SLC25A27: variants seen among roughly 807,000 people sequenced by gnomAD.
SLC25A27 encodes mitochondrial uncoupling protein 4.
Under a neutral mutation model 49.1 loss-of-function variants are expected in SLC25A27, and 35 were observed. The ratio of observed to expected loss-of-function variants is 0.71; its 90% CI spans 0.54 to 0.95. The LOEUF is 0.95. Among genes scored for constraint, SLC25A27 ranks in the 40% least tolerant of loss-of-function variants. The probability of loss-of-function intolerance (pLI) is 0.00; values close to 1 mark genes in which losing one functional copy is unlikely to be tolerated. For missense variants in SLC25A27, 339 were observed against 397.1 expected, an observed-to-expected ratio of 0.85 and a Z score of 1.24; for synonymous variants, 144 against 136.9, an observed-to-expected ratio of 1.05 and a Z score of -0.36.
intron 5 of SLC25A27, among the ~76,000 whole-genome samples, chr6:46,668,168 A>G (rs976020607): frequency 1.3e-5 from 2 of 152,098 alleles, no homozygotes. Context: ...AATATAGTAA[A>G]ACCCCATCTC....
intron 5 of SLC25A27, among the ~76,000 whole-genome samples, chr6:46,668,196 A>G (rs138778021): frequency 3.3e-5 from 5 of 152,218 alleles, no homozygotes; most frequent in Admixed American, 1.3e-4. Context: ...ATATTGAAAA[A>G]TTAGCCAGAT....
At chr6:46,668,632 C>A in intron 5 of SLC25A27, 77 bp from the exon 6 acceptor site, 2 of 836,836 alleles carry the variant, frequency 2.4e-6, no homozygotes, top group South Asian at 1.5e-5. Context: ...CACATTCCTG[C>A]CCCAAGCCTA....
intron 8 of SLC25A27, among the ~76,000 whole-genome samples, chr6:46,673,245 T>C (rs1433108088): frequency 6.6e-6 from 1 of 152,246 alleles, no homozygotes; most frequent in Non-Finnish European, 1.5e-5. Flanking sequence ...ATCATTTTCA[T>C]GACTTAACTC....
chr6:46,668,400 C>T (rs1763393268), intron 5 of SLC25A27, among the ~76,000 whole-genome samples: 2 of 152,264 alleles, frequency 1.3e-5, no homozygotes, highest in African/African-American at 4.8e-5. Flanking sequence ...GACAGGATCT[C>T]AATTCAAATT....
chr6:46,673,018 G>T (rs1222850878), intron 8 of SLC25A27, among the ~76,000 whole-genome samples: 1 of 152,146 alleles, frequency 6.6e-6, no homozygotes, highest in South Asian at 2.1e-4. Context: ...CAAAACTGTG[G>T]TTGTTTCTTA....
chr6:46,671,082 T>G (rs1344918788), intron 7 of SLC25A27, 44 bp from the exon 8 acceptor site: 5 of 1,315,104 alleles, frequency 3.8e-6, no homozygotes, highest in Non-Finnish European at 5.4e-6. Flanking sequence ...CATATATATT[T>G]TTTTACACAG....
chr6:46,664,934 G>A, intron 5 of SLC25A27, 48 bp downstream of exon 5: 1 of 902,954 alleles, frequency 1.1e-6, no homozygotes. Flanking sequence ...TGCCTTAATA[G>A]CTGTAAGCAC....
intron 3 of SLC25A27, among the ~76,000 whole-genome samples, chr6:46,660,471 C>A (rs76188599): frequency 2.6e-5 from 4 of 152,106 alleles, no homozygotes; most frequent in African/African-American, 9.7e-5. Context: ...GAACGTGTAA[C>A]CCCTTTGTGA....
chr6:46,661,590 T>C (rs1043922890), intron 3 of SLC25A27, among the ~76,000 whole-genome samples: 7 of 152,212 alleles, frequency 4.6e-5, no homozygotes, highest in African/African-American at 1.7e-4. Flanking sequence ...ATGCACAAAC[T>C]GTCAGTCATA....
intron 2 of SLC25A27, chr6:46,658,571 G>C (rs1345069123): frequency 2.4e-6 from 1 of 419,966 alleles, no homozygotes; most frequent in Admixed American, 3.1e-5. Flanking sequence ...CAAACACATA[G>C]AGCCTGCCTG....
At chr6:46,668,891 A>C in intron 6 of SLC25A27, 98 bp downstream of exon 6, 1 of 709,898 alleles carries the variant, frequency 1.4e-6, no homozygotes. Context: ...TTGGGATTGT[A>C]CTGGCATCAC....
intron 8 of SLC25A27, among the ~76,000 whole-genome samples, chr6:46,675,477 C>T (rs186473510): frequency 2.6e-4 from 39 of 152,276 alleles, no homozygotes; most frequent in Admixed American, 4.6e-4. Flanking sequence ...AGTGAATTCT[C>T]AGTTTACTAA....
Position 46,664,102 on chromosome 6 carries a change from G to A in SLC25A27, c.507-672G>A, listed in dbSNP as rs184169596. Among the ~76,000 whole-genome samples the A allele has an allele frequency of 2.0e-5, 3 of 152,294 alleles. 1 individual carries two copies. The highest frequency in any genetic ancestry group is 4.1e-4 in the South Asian group (2 of 4,830). On this transcript the variant is annotated intron_variant, in intron 4 of 8. Transcript: ENST00000371347. Reference sequence around the variant, plus strand: ...GTGATGCCTGAGTAAAAGCCACACAGGCTAGTAAGTGGTGAAGGTGGCATG... The same window carrying A: ...GTGATGCCTGAGTAAAAGCCACACAAGCTAGTAAGTGGTGAAGGTGGCATG...
At position 46,656,628 on chromosome 6, in the gene SLC25A27, A is replaced by T. The variant is rs534932845; in HGVS notation, c.298+594A>T. ...GAGACGGGGTTTCACCATATTGATC[A>T]GGTTGGTCCCAAACTCCTGACCTCA... On this transcript the variant is annotated intron_variant, in intron 2 of 8. Coordinates refer to ENST00000371347, the MANE Select transcript of SLC25A27 (RefSeq NM_004277.5). 6.6e-5 allele frequency among the ~76,000 whole-genome samples: 10 copies of T among 152,268 alleles called. No individual in the cohort carries two copies. In the South Asian group the frequency reaches 1.5e-3, roughly 22 times the overall value.
intron 1 of SLC25A27, among the ~76,000 whole-genome samples, chr6:46,655,551 T>TGC (rs1206787385): frequency 5.1e-5 from 2 of 39,078 alleles, no homozygotes; most frequent in African/African-American, 9.8e-5. Context: ...TTTTTTTTTT[T>TGC]TTTTTTTTTT....
chr6:46,676,843 G>A lies in SLC25A27; in HGVS notation c.*389G>A. ...CAGATCTGAAGTAGACGATAGGAAT[G>A]TGGAAGAACACATACATAGTGCTTA... On this transcript the variant is annotated 3_prime_UTR_variant, in exon 9 of 9. Transcript: ENST00000371347. 1 of 652,668 alleles carries A rather than the reference G, an allele frequency of 1.5e-6. No individual in the cohort carries two copies. The highest frequency in any genetic ancestry group is 2.7e-6 in the Non-Finnish European group (1 of 366,060). 40.4% of individuals were successfully genotyped at this position (652,668 alleles called of 1,614,324 possible). A position where few individuals can be genotyped will look rare whatever the true frequency, so the allele number is the denominator to read the frequency against.
At chr6:46,668,834 A>ATCAC (rs774471268) in intron 6 of SLC25A27, 41 bp downstream of exon 6, 1 of 1,081,812 alleles carries the variant, frequency 9.2e-7, no homozygotes, top group Non-Finnish European at 1.4e-6. Flanking sequence ...TTTTTTTTGT[A>ATCAC]TCACTTTTTC....
rs1341548657 is a variant in SLC25A27, at chr6:46,678,030, T to TATATATATATATATA, written c.*1576_*1577insATATATATATATATA. 2 of 100,628 alleles carry TATATATATATATATA rather than the reference T, an allele frequency of 2.0e-5. No homozygotes were observed. Among genetic ancestry groups the TATATATATATATATA allele is most frequent in the African/African-American group, 7.9e-5 (2 of 25,238 alleles). 6.2% of individuals were successfully genotyped at this position (100,628 alleles called of 1,614,324 possible). ...CAATATGTAATTGCGTTGTAAAATA[T>TATATATATATATATA]TATATATATATATATATATATATAT... On this transcript the variant is annotated 3_prime_UTR_variant, in exon 9 of 9. Transcript: ENST00000371347.
intron 4 of SLC25A27, among the ~76,000 whole-genome samples, chr6:46,664,469 A>T (rs1410453547): frequency 6.6e-6 from 1 of 152,206 alleles, no homozygotes. Context: ...TAATACATGT[A>T]CTGATAATAT....
Sources: gnomAD v4.1 joint callset for allele counts (sites outside exome capture counted in the v4.1 genomes callset) on GRCh38, gnomAD v4.1.1 for gene constraint, MANE v1.5 for transcripts, NCBI Gene and HGNC (gene_info 2026-07-23, HGNC 2026-07-21) for gene names.